Variants in MAEL observed in about 807,000 individuals in gnomAD.
MAEL encodes protein maelstrom homolog.
A neutral mutation model predicts 62.0 loss-of-function variants in MAEL; 46 were observed. That is an observed-to-expected ratio of 0.74 (90% CI 0.59 to 0.95). The LOEUF is 0.95. Among genes scored for constraint, MAEL ranks in the 40% least tolerant of loss-of-function variants. The pLI, the probability that MAEL is intolerant of heterozygous loss-of-function variation, is 0.00. For missense variants in MAEL, 497 were observed against 526.8 expected (o/e 0.94, Z 0.55); for synonymous variants, 172 against 175.5 (o/e 0.98, Z 0.16).
At chr1:167,008,385 A>G (rs1665021680) in intron 8 of MAEL, among the ~76,000 whole-genome samples, 1 of 152,064 alleles carries the variant, frequency 6.6e-6, no homozygotes, top group African/African-American at 2.4e-5. Context: ...TACATGTTAT[A>G]TAGCTTTTCA....
intron 1 of MAEL, among the ~76,000 whole-genome samples, chr1:166,983,195 T>A (rs1663810849): frequency 6.6e-6 from 1 of 152,186 alleles, no homozygotes; most frequent in Non-Finnish European, 1.5e-5. Flanking sequence ...TGGTATTCAG[T>A]GAGCTCTTAA....
chr1:167,011,947 T>C (rs980825135), intron 8 of MAEL, among the ~76,000 whole-genome samples: 1 of 152,172 alleles, frequency 6.6e-6, no homozygotes, highest in African/African-American at 2.4e-5. Flanking sequence ...TTTGAGACAT[T>C]ATTTGAGGTC....
At chr1:167,011,528 G>T (rs1418279862) in intron 8 of MAEL, among the ~76,000 whole-genome samples, 2 of 152,236 alleles carry the variant, frequency 1.3e-5, no homozygotes, top group East Asian at 3.9e-4. Flanking sequence ...TGGCGATACA[G>T]CATTTCTTAA....
chr1:167,001,569 C>T (rs1226830148), intron 5 of MAEL, among the ~76,000 whole-genome samples: 1 of 152,128 alleles, frequency 6.6e-6, no homozygotes, highest in Non-Finnish European at 1.5e-5. Flanking sequence ...ATAGTCATAA[C>T]TTTAGAGTAC....
At chr1:166,994,132 T>C (rs1313795665) in intron 5 of MAEL, 63 bp downstream of exon 5, 10 of 1,375,150 alleles carry the variant, frequency 7.3e-6, no homozygotes, top group South Asian at 1.3e-5. Flanking sequence ...GTTAGACTTA[T>C]TCCTTTTACA....
intron 8 of MAEL, among the ~76,000 whole-genome samples, chr1:167,010,698 T>G (rs1454857791): frequency 6.6e-6 from 1 of 152,164 alleles, no homozygotes. Context: ...TCTTCCTGCC[T>G]CAGCCTTCCA....
At chr1:167,006,601 CTATATATATATATATATATATATA>C (rs200881169) in intron 8 of MAEL, among the ~76,000 whole-genome samples, 21,788 of 98,308 alleles carry the variant, frequency 0.22, 2,333 homozygotes, top group East Asian at 0.4. Context: ...TGGTTTTTTA[CTATATATATATATATATATATATA>C]TATATATATA....
chr1:167,004,249 A>G lies in MAEL; in HGVS notation c.593A>G (p.Asn198Ser). The G allele has an allele frequency of 1.9e-6, 3 of 1,609,108 alleles. No individual in the cohort carries two copies. The highest frequency in any genetic ancestry group is 2.2e-5 in the East Asian group (1 of 44,606). ...CATAACCAAGCAACTGTGTTACAAA[A>G]CCTTTATAGATTTATTCATCCCAAC... Reference protein sequence around the residue: ...RGHNQATVLQNLYRFIHPNPG... With the variant: ...RGHNQATVLQSLYRFIHPNPG... Residue 198 changes from asparagine (N) to serine (S), a missense_variant, in exon 6 of 12, where the codon AAC (asparagine) becomes AGC (serine). Asn to Ser is a conservative substitution (Grantham distance 46). Coordinates refer to ENST00000367872, the MANE Select transcript of MAEL (RefSeq NM_032858.3).
upstream of MAEL, among the ~76,000 whole-genome samples, chr1:166,988,257 G>A (rs1326081798): frequency 1.3e-5 from 2 of 151,108 alleles, no homozygotes; most frequent in Admixed American, 1.3e-4. Context: ...GCTGAGATGG[G>A]AGGTCCTACT....
At chr1:166,986,277 A>G (rs764041850), upstream of MAEL, among the ~76,000 whole-genome samples, 7 of 152,184 alleles carry the variant, frequency 4.6e-5, no homozygotes, top group Non-Finnish European at 8.8e-5. Flanking sequence ...TCACAGGTGT[A>G]CACGTAAGTT....
intron 5 of MAEL, among the ~76,000 whole-genome samples, chr1:166,998,563 T>C (rs1664525566): frequency 6.6e-6 from 1 of 152,250 alleles, no homozygotes; most frequent in African/African-American, 2.4e-5. Flanking sequence ...CTTAGTATGC[T>C]GACCAGTACC....
chr1:166,980,388 G>A (rs180807954), intron 1 of MAEL, among the ~76,000 whole-genome samples: 119 of 152,194 alleles, frequency 7.8e-4, no homozygotes, highest in Non-Finnish European at 5.6e-4. Flanking sequence ...CAAAAGCTGT[G>A]CCCATGCCAA....
intron 8 of MAEL, among the ~76,000 whole-genome samples, chr1:167,007,592 TGTGTGTATGTAC>T (rs1425494421): frequency 1.4e-5 from 1 of 74,058 alleles, no homozygotes; most frequent in Non-Finnish European, 2.7e-5. Context: ...TGTGTGTGTG[TGTGTGTATGTAC>T]ACACACACTC....
chr1:167,006,600 A>AATATAT (rs1268446290), intron 8 of MAEL, among the ~76,000 whole-genome samples: 15 of 45,996 alleles, frequency 3.3e-4, no homozygotes, highest in Non-Finnish European at 5.9e-4. Flanking sequence ...CTGGTTTTTT[A>AATATAT]CTATATATAT....
chr1:166,998,194 C>T (rs1471131468), intron 5 of MAEL, among the ~76,000 whole-genome samples: 1 of 152,136 alleles, frequency 6.6e-6, no homozygotes, highest in Non-Finnish European at 1.5e-5. Flanking sequence ...TCATGTTTTA[C>T]ATTAGGTCAT....
intron 8 of MAEL, chr1:167,005,674 A>G (rs1157859752): frequency 8.5e-6 from 2 of 236,342 alleles, no homozygotes; most frequent in Non-Finnish European, 1.6e-5. Flanking sequence ...TTTTTATTAC[A>G]TAGAACTCTT....
At chr1:166,990,928 C>G (rs571463128) in intron 2 of MAEL, among the ~76,000 whole-genome samples, 1 of 152,336 alleles carries the variant, frequency 6.6e-6, no homozygotes, top group South Asian at 2.1e-4. Flanking sequence ...CTTATACTTG[C>G]AAGCCTTATT....
Position 167,004,308 on chromosome 1 carries a change from A to T in MAEL, c.648+4A>T. The stretch of plus-strand genomic sequence containing the variant: ...CTGGCCACCTATCTACTGCAAGGTA[A>T]TTTCAGGTTAAGAAGTTCTTTTAAG... On this transcript the variant is annotated splice_donor_region_variant and intron_variant, in intron 6 of 11. Transcript: ENST00000367872. The T allele has an allele frequency of 6.3e-7, 1 of 1,586,674 alleles. No homozygotes were observed. The highest frequency in any genetic ancestry group is 8.5e-7 in the Non-Finnish European group (1 of 1,170,932).
chr1:167,009,480 T>C (rs1665073479), intron 8 of MAEL, among the ~76,000 whole-genome samples: 1 of 152,168 alleles, frequency 6.6e-6, no homozygotes, highest in Admixed American at 6.5e-5. Context: ...TTTTCATTTT[T>C]AAAGTCTAAT....
Sources: gnomAD v4.1 joint callset for allele counts (sites outside exome capture counted in the v4.1 genomes callset) on GRCh38, gnomAD v4.1.1 for gene constraint, MANE v1.5 for transcripts, NCBI Gene and HGNC (gene_info 2026-07-23, HGNC 2026-07-21) for gene names.